The following SLAIN1 variants were observed in gnomAD, a reference collection of about 807,000 sequenced individuals.
SLAIN1 encodes the protein SLAIN motif-containing protein 1.
SLAIN1 carries 17 observed loss-of-function variants against 55.4 expected under a neutral mutation model. The observed-to-expected ratio is 0.31, with a 90% CI of 0.21 to 0.46. The LOEUF is 0.46. Ranked by LOEUF, SLAIN1 falls within the 20% of genes least tolerant of loss-of-function variation. SLAIN1 has a pLI of 1.00. For synonymous variants in SLAIN1, 348 were observed against 337.4 expected (o/e 1.03, Z -0.35); for missense variants, 682 against 785.1 (o/e 0.87, Z 1.57).
rs1875221803 is a variant in SLAIN1, at chr13:77,763,490, A to AC, written c.*271dup. ...TTGTAGAACTGCTCTGTACCTGAAT[A>AC]CTTTTTGAGAGAATTAAGATGTATC... On this transcript the variant is annotated 3_prime_UTR_variant, in exon 7 of 7. Coordinates refer to ENST00000418532, the MANE Select transcript of SLAIN1 (RefSeq NM_001242868.2). The AC allele has an allele frequency of 5.0e-6, 2 of 399,796 alleles. No homozygotes were observed. Among genetic ancestry groups the AC allele is most frequent in the Admixed American group, 8.3e-5 (2 of 24,058 alleles). The allele number at this position is 399,796 out of a possible 1,614,324, so 24.8% of individuals were successfully genotyped here. A position where few individuals can be genotyped will look rare whatever the true frequency, so the allele number is the denominator to read the frequency against.
rs1875225688 is a variant in SLAIN1, at chr13:77,763,524, T to A, written c.*304T>A. ...GAGAATTAAGATGTATCAATAATGCTTTGCCATATGAGTTTTTTAAAGTAA... is the reference window on the plus strand; with the variant it reads ...GAGAATTAAGATGTATCAATAATGCATTGCCATATGAGTTTTTTAAAGTAA... On this transcript the variant is annotated 3_prime_UTR_variant, in exon 7 of 7. Transcript: ENST00000418532. 5 of 283,814 alleles carry A rather than the reference T, an allele frequency of 1.8e-5. No individual in the cohort carries two copies. Among genetic ancestry groups the A allele is most frequent in the Non-Finnish European group, 3.3e-5 (5 of 151,030 alleles). 17.6% of individuals were successfully genotyped at this position (283,814 alleles called of 1,614,324 possible).
chr13:77,748,398 C>CTTTTTTT (rs934265928), intron 4 of SLAIN1, among the ~76,000 whole-genome samples: 3 of 79,550 alleles, frequency 3.8e-5, no homozygotes, highest in East Asian at 3.5e-4. Context: ...TTCTCTAAAG[C>CTTTTTTT]TTTTTTTTTT....
intron 3 of SLAIN1, 125 bp downstream of exon 3, chr13:77,744,557 T>C: frequency 4.7e-6 from 7 of 1,491,866 alleles, no homozygotes; most frequent in Non-Finnish European, 6.4e-6. Context: ...CATACTGTCC[T>C]ACTTTTTAGG....
In SLAIN1 at chr13:77,697,761, G is replaced by T; in HGVS notation, c.-153G>T. 1.4e-6 allele frequency: 1 copy of T among 705,894 alleles called. No homozygotes were observed. The highest frequency in any genetic ancestry group is 4.9e-5 in the East Asian group (1 of 20,474). The allele number at this position is 705,894 out of a possible 1,614,324, so 43.7% of individuals were successfully genotyped here. A position where few individuals can be genotyped will look rare whatever the true frequency, so the allele number is the denominator to read the frequency against. On this transcript the variant is annotated 5_prime_UTR_variant, in exon 1 of 7. Transcript: ENST00000418532. ...TGCCGCGGCCGGAGGCGAGGGCCCG[G>T]TGCTGATGCGAACCGCCGGCTCGGC...
chr13:77,699,015 G>A (rs1385872541), intron 1 of SLAIN1: 27 of 1,535,152 alleles, frequency 1.8e-5, no homozygotes, highest in Non-Finnish European at 2.4e-5. Context: ...CTCCTCGGGT[G>A]GCATCGGAAG....
chr13:77,703,762 C>T (rs978948098), intron 1 of SLAIN1, among the ~76,000 whole-genome samples: 2 of 151,296 alleles, frequency 1.3e-5, no homozygotes, highest in Non-Finnish European at 2.9e-5. Context: ...ATTCGTTGAT[C>T]GTGCTTATTA....
intron 4 of SLAIN1, among the ~76,000 whole-genome samples, chr13:77,749,693 C>A (rs190508686): frequency 1.3e-5 from 2 of 152,104 alleles, no homozygotes; most frequent in Non-Finnish European, 2.9e-5. Flanking sequence ...ACTTTTGGTT[C>A]CCTGAACTTT....
At chr13:77,731,768 G>A (rs1872873039) in intron 2 of SLAIN1, among the ~76,000 whole-genome samples, 1 of 152,148 alleles carries the variant, frequency 6.6e-6, no homozygotes. Flanking sequence ...CAAATCTGGA[G>A]ATGGATACGG....
chr13:77,730,197 G>T (rs185442096), intron 2 of SLAIN1, among the ~76,000 whole-genome samples: 114 of 152,268 alleles, frequency 7.5e-4, no homozygotes, highest in Non-Finnish European at 1.4e-3. Flanking sequence ...GGCAGTTAAA[G>T]ATTCTGGATT....
intron 5 of SLAIN1, among the ~76,000 whole-genome samples, chr13:77,757,867 T>C (rs1874716942): frequency 6.6e-6 from 1 of 152,190 alleles, no homozygotes; most frequent in South Asian, 2.1e-4. Flanking sequence ...ATCTAAGCCA[T>C]TGCAAATGCT....
At chr13:77,708,051 G>C (rs1306587249) in intron 1 of SLAIN1, among the ~76,000 whole-genome samples, 1 of 152,172 alleles carries the variant, frequency 6.6e-6, no homozygotes, top group African/African-American at 2.4e-5. Context: ...ATGAGATATA[G>C]TACCAGACAA....
chr13:77,715,874 A>G (rs142242999), intron 1 of SLAIN1, among the ~76,000 whole-genome samples: 1 of 152,270 alleles, frequency 6.6e-6, no homozygotes, highest in African/African-American at 2.4e-5. Context: ...TTTATCACTC[A>G]TCCTTTTAGC....
At chr13:77,754,654 A>G (rs189726534) in intron 5 of SLAIN1, among the ~76,000 whole-genome samples, 12 of 152,276 alleles carry the variant, frequency 7.9e-5, no homozygotes, top group African/African-American at 2.6e-4. Context: ...GGAAGTCTTC[A>G]TTGCTTACTT....
chr13:77,762,649 C>T (rs1329727518), intron 6 of SLAIN1, among the ~76,000 whole-genome samples: 1 of 152,154 alleles, frequency 6.6e-6, no homozygotes, highest in Non-Finnish European at 1.5e-5. Context: ...TTCCTCCTGC[C>T]TCGGCCTCCC....
intron 3 of SLAIN1, 121 bp downstream of exon 3, chr13:77,744,553 G>C (rs1050619921): frequency 1.3e-6 from 2 of 1,517,018 alleles, no homozygotes; most frequent in South Asian, 2.3e-5. Context: ...CTCTCATACT[G>C]TCCTACTTTT....
intron 4 of SLAIN1, among the ~76,000 whole-genome samples, chr13:77,748,381 G>A (rs1039909111): frequency 1.5e-5 from 2 of 132,818 alleles, no homozygotes; most frequent in Non-Finnish European, 3.2e-5. Flanking sequence ...AGGGCACCTA[G>A]AGTTATTTCT....
chr13:77,716,513 CA>C (rs923420504), intron 1 of SLAIN1, among the ~76,000 whole-genome samples: 1 of 152,060 alleles, frequency 6.6e-6, no homozygotes, highest in Non-Finnish European at 1.5e-5. Context: ...ACGAAAATGG[CA>C]TATCTCTCCA....
Position 77,759,974 on chromosome 13 carries a change from C to T in SLAIN1, c.1415-854C>T, listed in dbSNP as rs184062224. Among the ~76,000 whole-genome samples, 311 of 151,974 alleles carry T rather than the reference C, an allele frequency of 2.0e-3. 1 individual carries two copies. The highest frequency in any genetic ancestry group is 3.1e-3 in the Non-Finnish European group (208 of 67,966). ...AGATACTTTTTTGGGTCTTTTTCCC[C>T]CTTATATTTATTTCAAAAAAGTATT... On this transcript the variant is annotated intron_variant, in intron 5 of 6. Transcript: ENST00000418532.
intron 1 of SLAIN1, chr13:77,699,048 T>G: frequency 6.5e-7 from 1 of 1,534,502 alleles, no homozygotes; most frequent in South Asian, 1.2e-5. Context: ...GGATCTCTCT[T>G]TATAGAGAGG....
Sources: gnomAD v4.1 joint callset for allele counts (sites outside exome capture counted in the v4.1 genomes callset) on GRCh38, gnomAD v4.1.1 for gene constraint, MANE v1.5 for transcripts, NCBI Gene and HGNC (gene_info 2026-07-23, HGNC 2026-07-21) for gene names.